Variants in TRRAP observed in about 807,000 individuals in gnomAD.
TRRAP encodes the protein transformation/transcription domain associated protein, also known as transformation/transcription domain-associated protein.
In TRRAP, 41 loss-of-function variants were observed where a neutral mutation model predicts 438.8. The observed-to-expected ratio is 0.09, with a 90% CI of 0.07 to 0.12. TRRAP has a LOEUF of 0.12. Among genes scored for constraint, TRRAP ranks in the 10% least tolerant of loss-of-function variants. The pLI is 1.00. For synonymous variants in TRRAP, 1,994 were observed against 1,962.9 expected, an observed-to-expected ratio of 1.02 and a Z score of -0.42; for missense variants, 3,122 against 5,055.1, an observed-to-expected ratio of 0.62 and a Z score of 11.60.
intron 39 of TRRAP, 78 bp downstream of exon 39, chr7:98,951,082 T>TGTGTGTGA: frequency 2.3e-6 from 3 of 1,319,680 alleles, no homozygotes; most frequent in Non-Finnish European, 3.0e-6. Flanking sequence ...TGTGTGTGTG[T>TGTGTGTGA]GTGTGTGTGT....
At chr7:98,999,323 G>A in intron 67 of TRRAP, 1 of 1,377,970 alleles carries the variant, frequency 7.3e-7, no homozygotes, top group Non-Finnish European at 1.0e-6. Flanking sequence ...CTTGATCAAA[G>A]TCCAAGATTT....
chr7:98,893,634 G>T (rs1235717497), intron 5 of TRRAP, among the ~76,000 whole-genome samples, 164 bp from the exon 6 acceptor site: 2 of 152,220 alleles, frequency 1.3e-5, no homozygotes, highest in African/African-American at 2.4e-5. Flanking sequence ...TTCTGGTGGT[G>T]CACTGAAGCT....
Position 98,962,415 on chromosome 7 carries a change from T to A in TRRAP, c.6817T>A (p.Ser2273Thr), listed in dbSNP as rs1473055741. ...CGAGAAGGCCACCAATGCCAATCCCTCCCAGCTCTTCGGTGAGTGTGTGTC... is the reference window on the plus strand; with the variant it reads ...CGAGAAGGCCACCAATGCCAATCCCACCCAGCTCTTCGGTGAGTGTGTGTC... ...NYEKATNANP[S>T]QLFGTLMILK... is the part of the protein sequence containing the mutation. The change falls in exon 47 of 73, where the codon TCC (serine) becomes ACC (threonine). Residue 2273 changes from serine (S) to threonine (T), a missense_variant. Ser to Thr is a moderately conservative substitution (Grantham distance 58, BLOSUM62 1). This residue lies in a region of TRRAP where 992 missense variants were observed against 1,281.2 expected (regional missense o/e 0.77). Coordinates refer to ENST00000456197, the MANE Select transcript of TRRAP (RefSeq NM_001375524.1). 1.2e-6 allele frequency: 2 copies of A among 1,614,104 alleles called. No homozygotes were observed. The highest frequency in any genetic ancestry group is 2.7e-5 in the African/African-American group (2 of 74,946).
intron 64 of TRRAP, among the ~76,000 whole-genome samples, chr7:98,991,710 G>A (rs1347539715): frequency 2.6e-5 from 4 of 152,212 alleles, no homozygotes; most frequent in Non-Finnish European, 4.4e-5. Context: ...GCTGCAGTTA[G>A]GCAGAATAAA....
In TRRAP at chr7:98,956,568, T is replaced by G. The variant is rs1791626521; in HGVS notation, c.6231+35T>G. On this transcript the variant is annotated intron_variant, in intron 43 of 72. Transcript: ENST00000456197. The surrounding 1 kb of genome is among the most constrained non-coding windows in gnomAD (Gnocchi z 4.5). ...TGTGCCTCTGTATGGGTGCTGCGCATTCTGCTGGGAGTTGGTTCGTTTATT... is the reference window on the plus strand; with the variant it reads ...TGTGCCTCTGTATGGGTGCTGCGCAGTCTGCTGGGAGTTGGTTCGTTTATT... The G allele has an allele frequency of 6.3e-7, 1 of 1,596,836 alleles. No homozygotes were observed. Among genetic ancestry groups the G allele is most frequent in the Non-Finnish European group, 8.5e-7 (1 of 1,173,510 alleles).
chr7:98,900,521 T>G (rs1677900668), intron 10 of TRRAP, 103 bp from the exon 11 acceptor site: 4 of 902,200 alleles, frequency 4.4e-6, no homozygotes, highest in Non-Finnish European at 6.8e-6. Flanking sequence ...TTTGGGTCTG[T>G]GTGGAAATCA....
chr7:98,916,716 C>A (rs1302081004), intron 19 of TRRAP, among the ~76,000 whole-genome samples: 1 of 152,174 alleles, frequency 6.6e-6, no homozygotes, highest in African/African-American at 2.4e-5. Flanking sequence ...AGCTGTCCCC[C>A]AAGGGGTGTT....
rs767693094 is a variant in TRRAP at position 98,976,426 on chromosome 7, C to T, written c.7960-57C>T. The T allele has an allele frequency of 1.3e-5, 21 of 1,582,900 alleles. No individual in the cohort carries two copies. Among genetic ancestry groups the T allele is most frequent in the South Asian group, 1.0e-4 (9 of 88,146 alleles). ...AAAGGTATTCTTGCATCGAGAGAGA[C>T]AGCAAGACTTGCCGATTTTTGAATG... On this transcript the variant is annotated intron_variant, in intron 54 of 72. Transcript: ENST00000456197. The surrounding 1 kb of genome is among the most constrained non-coding windows in gnomAD (Gnocchi z 4.6).
chr7:98,941,262 A>G lies in TRRAP; in HGVS notation c.4405-1687A>G, dbSNP rs533877407. 1.2e-3 allele frequency among the ~76,000 whole-genome samples: 187 copies of G among 152,212 alleles called. 1 individual carries two copies. The highest frequency in any genetic ancestry group is 4.0e-3 in the African/African-American group (165 of 41,540). ...GTGATCATAGCTCACTGCAACCTCC[A>G]TCTCCTGGGTTCAAGCAATCCTCCC... is the stretch of plus-strand genomic sequence containing the variant. On this transcript the variant is annotated intron_variant, in intron 30 of 72. Coordinates refer to ENST00000456197, the MANE Select transcript of TRRAP (RefSeq NM_001375524.1).
At position 98,893,799 on chromosome 7, in the gene TRRAP, C is replaced by T. The variant is rs148101267; in HGVS notation, c.368C>T (p.Thr123Met). Reference sequence around the variant, plus strand: ...CTTTCATTAAATGCTTTTTTTTAGACGGAAAATGAAGAAAATGTTCTTATT... The same window carrying T: ...CTTTCATTAAATGCTTTTTTTTAGATGGAAAATGAAGAAAATGTTCTTATT... ...VLSVMFRFLE[T>M]ENEENVLICL... The change falls in exon 6 of 73, where the codon ACG becomes ATG. Residue 123 changes from threonine (T) to methionine (M), a missense_variant and splice_region_variant. Thr to Met is a moderately conservative substitution (Grantham distance 81). This residue lies in a region of TRRAP where 343 missense variants were observed against 564.0 expected (regional missense o/e 0.61). Coordinates refer to ENST00000456197, the MANE Select transcript of TRRAP (RefSeq NM_001375524.1). 4.1e-5 allele frequency: 66 copies of T among 1,610,306 alleles called. No homozygotes were observed. The Middle Eastern group carries it at 5.0e-4, about 12-fold the overall frequency.
chr7:98,982,440 AT>A (rs1421762242), intron 59 of TRRAP, among the ~76,000 whole-genome samples: 2 of 152,256 alleles, frequency 1.3e-5, no homozygotes, highest in Admixed American at 6.5e-5. Context: ...TGTTTAGGAG[AT>A]TAAAAAACAT....
In TRRAP at chr7:98,953,212, A is replaced by G. The variant is rs1791426312; in HGVS notation, c.5509A>G (p.Ile1837Val). The change falls in exon 40 of 73, where the codon ATC becomes GTC. Residue 1837 changes from isoleucine to valine, a missense_variant. By Grantham distance (29) the Ile-to-Val change is conservative (BLOSUM62 3). Transcript: ENST00000456197. ...KQADMLDSLR[I>V]YLLQYATLLV... is the part of the protein sequence containing the mutation. ...GGCGGACATGCTGGACTCGCTGCGG[A>G]TCTACCTGCTGCAGTACGCCACGCT... is the stretch of plus-strand genomic sequence containing the variant. The G allele has an allele frequency of 6.2e-7, 1 of 1,612,772 alleles. No individual in the cohort carries two copies. Among genetic ancestry groups the G allele is most frequent in the Non-Finnish European group, 8.5e-7 (1 of 1,179,834 alleles).
intron 4 of TRRAP, among the ~76,000 whole-genome samples, chr7:98,892,016 G>C (rs1796003441): frequency 6.6e-6 from 1 of 152,048 alleles, no homozygotes; most frequent in Non-Finnish European, 1.5e-5. Flanking sequence ...CTAGTCCTTG[G>C]GCCCAAGGTA....
intron 62 of TRRAP, among the ~76,000 whole-genome samples, chr7:98,985,777 C>CT (rs1793123675): frequency 6.6e-6 from 1 of 152,118 alleles, no homozygotes; most frequent in South Asian, 2.1e-4. Flanking sequence ...AAGGTTTTAT[C>CT]TTTTTGTGTA....
chr7:98,956,669 T>C lies in TRRAP; in HGVS notation c.6231+136T>C. 7.1e-7 allele frequency: 1 copy of C among 1,414,074 alleles called. No homozygotes were observed. Among genetic ancestry groups the C allele is most frequent in the Non-Finnish European group, 9.4e-7 (1 of 1,061,022 alleles). 87.6% of individuals were successfully genotyped at this position (1,414,074 alleles called of 1,614,324 possible). On this transcript the variant is annotated intron_variant, in intron 43 of 72. Coordinates refer to ENST00000456197, the MANE Select transcript of TRRAP (RefSeq NM_001375524.1). This position sits in a 1 kb window ranked among gnomAD's most constrained non-coding sequence, Gnocchi z 4.5. Reference sequence around the variant, plus strand: ...GCTGGGAACAGCCACGGTCACCAGATTGAAACTCCAGGACATGTCACTCAT... The same window carrying C: ...GCTGGGAACAGCCACGGTCACCAGACTGAAACTCCAGGACATGTCACTCAT...
At chr7:98,942,908 CCT>C (rs1554416000) in intron 30 of TRRAP, 39 bp from the exon 31 acceptor site, 6 of 1,607,154 alleles carry the variant, frequency 3.7e-6, no homozygotes, top group Non-Finnish European at 5.1e-6. Context: ...GTGGAATGCA[CCT>C]ACTGTGAAGT....
chr7:98,943,970 T>C (rs1790920309), intron 31 of TRRAP, among the ~76,000 whole-genome samples: 1 of 152,274 alleles, frequency 6.6e-6, no homozygotes, highest in Non-Finnish European at 1.5e-5. Context: ...GTTTTGTTTA[T>C]GTAAGTCTTG....
chr7:98,983,614 T>G (rs751341625), intron 60 of TRRAP, 155 bp downstream of exon 60: 42 of 769,086 alleles, frequency 5.5e-5, no homozygotes, highest in Non-Finnish European at 8.5e-5. Flanking sequence ...GGGGTGGTAA[T>G]GGTACAGGGA....
intron 20 of TRRAP, 42 bp from the exon 21 acceptor site, chr7:98,921,711 A>G: frequency 1.9e-6 from 3 of 1,610,904 alleles, no homozygotes; most frequent in South Asian, 1.1e-5. Flanking sequence ...TCGTGAAGGC[A>G]TTACCTTAAG....
Sources: allele counts gnomAD v4.1 joint callset (sites outside exome capture counted in the v4.1 genomes callset), GRCh38; gene constraint gnomAD v4.1.1; regional missense constraint gnomAD v4.1.1; non-coding constraint Gnocchi (gnomAD v3.1); transcripts MANE v1.5; gene names NCBI Gene and HGNC (gene_info 2026-07-23, HGNC 2026-07-21).